Variants in CHST9 observed in about 807,000 individuals in gnomAD.
CHST9 encodes the protein carbohydrate sulfotransferase 9, also known as GalNAc-4-sulfotransferase 2.
In CHST9, 41 loss-of-function variants were observed where a neutral mutation model predicts 44.4. That is an observed-to-expected ratio of 0.92 (90% CI 0.72 to 1.20). CHST9 has a LOEUF of 1.20. Among genes scored for constraint, CHST9 ranks in the 50% most tolerant of loss-of-function variants. The pLI is 0.00. For synonymous variants in CHST9, 171 were observed against 178.4 expected, an observed-to-expected ratio of 0.96 and a Z score of 0.33; for missense variants, 504 against 516.5, an observed-to-expected ratio of 0.98 and a Z score of 0.23.
At chr18:26,939,849 G>T (rs955746078) in intron 5 of CHST9, among the ~76,000 whole-genome samples, 2 of 152,110 alleles carry the variant, frequency 1.3e-5, no homozygotes, top group Admixed American at 6.5e-5. Context: ...TGAAGGAAAA[G>T]GTTCTCCTAC....
chr18:26,971,874 CT>C (rs1394450913), intron 4 of CHST9, among the ~76,000 whole-genome samples: 1 of 151,012 alleles, frequency 6.6e-6, no homozygotes, highest in African/African-American at 2.4e-5. Context: ...ACAAAGATTT[CT>C]GCCTGGTGGA....
At chr18:27,052,965 A>G (rs950050374) in intron 2 of CHST9, among the ~76,000 whole-genome samples, 3 of 151,720 alleles carry the variant, frequency 2.0e-5, no homozygotes, top group Admixed American at 2.0e-4. Context: ...ACAAATACCT[A>G]GTGCATGCAG....
chr18:27,094,802 T>G (rs1405373617), intron 2 of CHST9, among the ~76,000 whole-genome samples: 3 of 152,186 alleles, frequency 2.0e-5, no homozygotes, highest in African/African-American at 7.2e-5. Flanking sequence ...CGAGTTCAGG[T>G]GACTCATCAA....
At chr18:26,964,301 G>A (rs1453124781) in intron 4 of CHST9, among the ~76,000 whole-genome samples, 1 of 152,078 alleles carries the variant, frequency 6.6e-6, no homozygotes, top group African/African-American at 2.4e-5. Flanking sequence ...ACCTTAACAA[G>A]GTATTGGTTA....
intron 4 of CHST9, among the ~76,000 whole-genome samples, chr18:26,996,169 A>G (rs931212212): frequency 1.3e-5 from 2 of 152,208 alleles, no homozygotes; most frequent in Middle Eastern, 3.2e-3. Flanking sequence ...GGTGATACCC[A>G]GGGTAGTCCG....
intron 2 of CHST9, among the ~76,000 whole-genome samples, chr18:27,064,375 C>T (rs147183491): frequency 4.9e-4 from 74 of 152,118 alleles, no homozygotes; most frequent in African/African-American, 1.3e-3. Context: ...CCCATGCAGA[C>T]GGCACCATGA....
chr18:26,986,502 G>T (rs1040736766), intron 4 of CHST9, among the ~76,000 whole-genome samples: 1 of 152,088 alleles, frequency 6.6e-6, no homozygotes, highest in Admixed American at 6.6e-5. Context: ...AGGAGAGGAA[G>T]ATTTAAAAAT....
intron 3 of CHST9, among the ~76,000 whole-genome samples, chr18:27,041,906 G>A (rs2057449811): frequency 6.6e-6 from 1 of 152,126 alleles, no homozygotes; most frequent in African/African-American, 2.4e-5. Context: ...ACGCATCTAA[G>A]AGACTTCATT....
intron 4 of CHST9, among the ~76,000 whole-genome samples, chr18:26,976,863 T>A (rs1206096659): frequency 6.6e-6 from 1 of 152,078 alleles, no homozygotes; most frequent in African/African-American, 2.4e-5. Context: ...AGGAAAAAAA[T>A]CCATCTCCTT....
At chr18:27,136,091 A>G (rs2143849711) in intron 2 of CHST9, among the ~76,000 whole-genome samples, 1 of 152,344 alleles carries the variant, frequency 6.6e-6, no homozygotes, top group East Asian at 1.9e-4. Context: ...GTGGAACCCA[A>G]CAGTCTGTTT....
chr18:26,925,049 G>T (rs2055738902), intron 5 of CHST9, among the ~76,000 whole-genome samples: 1 of 152,128 alleles, frequency 6.6e-6, no homozygotes, highest in South Asian at 2.1e-4. Flanking sequence ...TGGTCAGGGT[G>T]GGGTAGGGAG....
intron 1 of CHST9, among the ~76,000 whole-genome samples, chr18:27,146,954 G>A (rs1347573894): frequency 6.6e-6 from 1 of 152,072 alleles, no homozygotes; most frequent in East Asian, 1.9e-4. Flanking sequence ...TTAAATAATT[G>A]TGGCTACAAA....
chr18:27,026,975 C>CT (rs1355567140), intron 3 of CHST9, among the ~76,000 whole-genome samples: 1 of 152,142 alleles, frequency 6.6e-6, no homozygotes, highest in Non-Finnish European at 1.5e-5. Flanking sequence ...TTGGCATAAA[C>CT]ATCATAATAA....
intron 3 of CHST9, among the ~76,000 whole-genome samples, chr18:27,024,927 T>C (rs1275036133): frequency 1.3e-5 from 2 of 151,942 alleles, no homozygotes; most frequent in Non-Finnish European, 1.5e-5. Flanking sequence ...TAGTCACCTA[T>C]GGGGAGAGAA....
intron 4 of CHST9, among the ~76,000 whole-genome samples, chr18:27,009,653 T>C (rs1232834962): frequency 6.6e-6 from 1 of 152,226 alleles, no homozygotes; most frequent in East Asian, 1.9e-4. Context: ...CACTTGGTCC[T>C]GTACTTTGGG....
At chr18:27,148,421 C>T (rs1312383741) in intron 1 of CHST9, among the ~76,000 whole-genome samples, 2 of 122,964 alleles carry the variant, frequency 1.6e-5, no homozygotes, top group Non-Finnish European at 3.3e-5. Context: ...CCCCACCCCA[C>T]AACAGTCCCC....
chr18:26,967,280 G>A (rs1213495141), intron 4 of CHST9, among the ~76,000 whole-genome samples: 3 of 152,004 alleles, frequency 2.0e-5, no homozygotes, highest in Admixed American at 1.3e-4. Flanking sequence ...CTTATATAAG[G>A]GACTGCTTAT....
chr18:27,169,052 C>T (rs9951886), intron 1 of CHST9, among the ~76,000 whole-genome samples: 1,719 of 152,176 alleles, frequency 0.011, 28 homozygotes, highest in African/African-American at 0.036. Context: ...AGAATTCTGC[C>T]CACAAGTTCA....
chr18:27,165,467 A>T (rs1055940312), intron 1 of CHST9, among the ~76,000 whole-genome samples: 2 of 152,174 alleles, frequency 1.3e-5, no homozygotes, highest in African/African-American at 4.8e-5. Flanking sequence ...TGAAGAAGGA[A>T]CAATGACTAA....
Sources: gnomAD v4.1 joint callset for allele counts (sites outside exome capture counted in the v4.1 genomes callset) on GRCh38, gnomAD v4.1.1 for gene constraint, MANE v1.5 for transcripts, NCBI Gene and HGNC (gene_info 2026-07-23, HGNC 2026-07-21) for gene names.